The following UBAP1 variants were observed in gnomAD, a reference collection of about 807,000 sequenced individuals.
The protein encoded by UBAP1 is ubiquitin associated protein 1.
In UBAP1, 5 loss-of-function variants were observed where a neutral mutation model predicts 39.0. The ratio of observed to expected loss-of-function variants is 0.13; its 90% confidence interval spans 0.07 to 0.27. UBAP1 has a LOEUF of 0.27. Among genes scored for constraint, UBAP1 ranks in the 10% least tolerant of loss-of-function variants. The pLI is 1.00. For synonymous variants in UBAP1, 211 were observed against 225.1 expected (o/e 0.94, Z 0.56); for missense variants, 490 against 608.1 (o/e 0.81, Z 2.04).
chr9:34,251,087 G>C (rs1834489962), intron 6 of UBAP1, among the ~76,000 whole-genome samples: 1 of 152,200 alleles, frequency 6.6e-6, no homozygotes, highest in Non-Finnish European at 1.5e-5. Flanking sequence ...CCATTTCTGG[G>C]TTCAGTATCC....
chr9:34,196,862 C>T (rs1831090120), intron 1 of UBAP1, among the ~76,000 whole-genome samples: 1 of 148,690 alleles, frequency 6.7e-6, no homozygotes, highest in Non-Finnish European at 1.5e-5. Context: ...TCTTTGTTTT[C>T]ATTTTGTTCA....
Position 34,220,918 on chromosome 9 carries a change from G to T in UBAP1, c.4G>T (p.Ala2Ser), listed in dbSNP as rs1281965190. The T allele has an allele frequency of 6.2e-7, 1 of 1,613,470 alleles. No individual in the cohort carries two copies. The highest frequency in any genetic ancestry group is 1.7e-5 in the Admixed American group (1 of 59,996). The change falls in exon 2 of 7, where the codon GCT becomes TCT. Residue 2 changes from alanine (A) to serine (S), a missense_variant. Ala to Ser is a moderately conservative substitution (Grantham distance 99, BLOSUM62 1). This residue lies in a region of UBAP1 where 144 missense variants were observed against 184.4 expected (regional missense o/e 0.78). Transcript: ENST00000297661. M[A>S]SKKLGADFHG... ...TTCCTTGTTTTTCAGGTTCTAAATGGCTTCTAAGAAGTTGGGTGCAGATTT... is the reference window on the plus strand; with the variant it reads ...TTCCTTGTTTTTCAGGTTCTAAATGTCTTCTAAGAAGTTGGGTGCAGATTT...
chr9:34,192,913 T>C (rs1231385296), intron 1 of UBAP1, among the ~76,000 whole-genome samples: 3 of 152,120 alleles, frequency 2.0e-5, no homozygotes, highest in Non-Finnish European at 4.4e-5. Context: ...TATTTTTCTA[T>C]ATTGGACTCA....
rs560061161 is a variant in UBAP1 at position 34,193,200 on chromosome 9, C to T, written c.-8+13960C>T. Among the ~76,000 whole-genome samples the T allele has an allele frequency of 1.5e-4, 23 of 152,204 alleles. No individual in the cohort carries two copies. The East Asian group carries it at 4.3e-3, about 28-fold the overall frequency. ...TGGTATGCACCTAGAATCCCAGTTA[C>T]TCAGGGGGGCTGAGGCAGGAGGATC... On this transcript the variant is annotated intron_variant, in intron 1 of 6. Coordinates refer to ENST00000297661, the MANE Select transcript of UBAP1 (RefSeq NM_016525.5).
In UBAP1 at chr9:34,218,337, CA is replaced by C. The variant is rs1258968602; in HGVS notation, c.-7-2570del. ...AAATTTTGGTGGAACTTCTTTATAA[CA>C]TTCCTGGTGTCAGCATATTCTAGGT... is the stretch of plus-strand genomic sequence containing the variant. On this transcript the variant is annotated intron_variant, in intron 1 of 6. Transcript: ENST00000297661. 2.4e-5 allele frequency among the ~76,000 whole-genome samples: 3 copies of C among 127,220 alleles called. No homozygotes were observed. The East Asian group carries it at 6.7e-4, about 28-fold the overall frequency. The allele number at this position is 127,220 out of a possible 152,430, so 83.5% of individuals were successfully genotyped here. A position where few individuals can be genotyped will look rare whatever the true frequency, so the allele number is the denominator to read the frequency against.
chr9:34,181,102 A>T (rs1210652728), intron 1 of UBAP1, among the ~76,000 whole-genome samples: 4 of 88,682 alleles, frequency 4.5e-5, no homozygotes, highest in African/African-American at 1.2e-4. Context: ...GAGCCACCGC[A>T]CCCGGCCTGT....
intron 2 of UBAP1, among the ~76,000 whole-genome samples, chr9:34,233,226 T>TTTTTC (rs1554652073): frequency 2.3e-4 from 3 of 13,054 alleles, no homozygotes; most frequent in African/African-American, 3.7e-4. Flanking sequence ...CTTTCTCTTC[T>TTTTTC]TTTTTTTTTT....
intron 1 of UBAP1, among the ~76,000 whole-genome samples, chr9:34,203,118 A>C (rs1831493760): frequency 6.6e-6 from 1 of 152,136 alleles, no homozygotes; most frequent in African/African-American, 2.4e-5. Context: ...ATTCACTACT[A>C]TTTTAATTAG....
rs1233258500 is a variant in UBAP1 at position 34,249,879 on chromosome 9, G to T, written c.1184G>T (p.Cys395Phe). The change falls in exon 5 of 7, where the codon TGT becomes TTT. Residue 395 changes from cysteine to phenylalanine, a missense_variant. Around this residue, in one of 3 missense-constraint regions of UBAP1, gnomAD observed 339 missense variants for 390.0 expected, o/e 0.87. Transcript: ENST00000297661. ...ATGCTGTCCCCCAGCGAGCGGCAGT[G>T]TGTGGAGACGGTGGTCAACATGGGC... ...LQMLSPSERQ[C>F]VETVVNMGYS... 5.6e-6 allele frequency: 9 copies of T among 1,614,220 alleles called. No homozygotes were observed. Among genetic ancestry groups the T allele is most frequent in the East Asian group, 2.2e-5 (1 of 44,876 alleles).
At chr9:34,199,364 C>T (rs531885023) in intron 1 of UBAP1, among the ~76,000 whole-genome samples, 5 of 152,278 alleles carry the variant, frequency 3.3e-5, no homozygotes, top group South Asian at 2.1e-4. Flanking sequence ...TGAGCCACCG[C>T]GCCCAGCCTA....
At chr9:34,185,873 C>T (rs571008036) in intron 1 of UBAP1, among the ~76,000 whole-genome samples, 18 of 152,170 alleles carry the variant, frequency 1.2e-4, no homozygotes, top group African/African-American at 4.3e-4. Flanking sequence ...CAAACAAACA[C>T]ATTCAGTTCT....
chr9:34,207,729 G>A (rs548012178), intron 1 of UBAP1, among the ~76,000 whole-genome samples: 15 of 151,584 alleles, frequency 9.9e-5, no homozygotes, highest in Admixed American at 5.3e-4. Flanking sequence ...CTGGGCTTAA[G>A]CAGTTCTCTT....
At position 34,220,910 on chromosome 9, in the gene UBAP1, T is replaced by A. The variant is rs1036831210; in HGVS notation, c.-5T>A. On this transcript the variant is annotated splice_region_variant and 5_prime_UTR_variant, in exon 2 of 7. Coordinates refer to ENST00000297661, the MANE Select transcript of UBAP1 (RefSeq NM_016525.5). ...AGAAATATTTCCTTGTTTTTCAGGT[T>A]CTAAATGGCTTCTAAGAAGTTGGGT... 6.2e-7 allele frequency: 1 copy of A among 1,613,350 alleles called. No homozygotes were observed. Among genetic ancestry groups the A allele is most frequent in the African/African-American group, 1.3e-5 (1 of 74,932 alleles).
In UBAP1 at chr9:34,226,375, T is replaced by C. The variant is rs142353888; in HGVS notation, c.34+5427T>C. Among the ~76,000 whole-genome samples the C allele has an allele frequency of 3.1e-3, 475 of 152,094 alleles. 1 individual carries two copies. Among genetic ancestry groups the C allele is most frequent in the African/African-American group, 0.011 (454 of 41,478 alleles). On this transcript the variant is annotated intron_variant, in intron 2 of 6. Transcript: ENST00000297661. Reference sequence around the variant, plus strand: ...TCTCAGCCCCCTGAGTAGCTGGGATTATAGGTGCGCACCACCATGCCTGGC... The same window carrying C: ...TCTCAGCCCCCTGAGTAGCTGGGATCATAGGTGCGCACCACCATGCCTGGC...
At chr9:34,181,996 C>G (rs971174141) in intron 1 of UBAP1, among the ~76,000 whole-genome samples, 1 of 148,084 alleles carries the variant, frequency 6.8e-6, no homozygotes, top group Non-Finnish European at 1.5e-5. Context: ...GAAGGGGTCT[C>G]TTATGTTGCC....
intron 3 of UBAP1, among the ~76,000 whole-genome samples, chr9:34,236,032 G>A (rs1196861232): frequency 6.6e-6 from 1 of 151,706 alleles, no homozygotes; most frequent in Admixed American, 6.6e-5. Flanking sequence ...GGCTAATTTT[G>A]TATTTTTAGT....
At position 34,251,516 on chromosome 9, in the gene UBAP1, G is replaced by A. The variant is rs746938366; in HGVS notation, c.1493G>A (p.Arg498Gln). 4.3e-6 allele frequency: 7 copies of A among 1,613,586 alleles called. No homozygotes were observed. Among genetic ancestry groups the A allele is most frequent in the Non-Finnish European group, 5.1e-6 (6 of 1,179,960 alleles). Residue 498 changes from arginine (R) to glutamine (Q), a missense_variant, in exon 7 of 7, where the codon CGG becomes CAG. By Grantham distance (43) the Arg-to-Gln change is conservative (BLOSUM62 1). This residue lies in a region of UBAP1 where 339 missense variants were observed against 390.0 expected (regional missense o/e 0.87). Transcript: ENST00000297661. Reference protein sequence around the residue: ...QDNALEDLMARAGAS With the variant: ...QDNALEDLMAQAGAS ...AATGCTTTGGAAGACCTCATGGCTC[G>A]GGCAGGAGCCAGCTGAGACCAGGCC...
intron 3 of UBAP1, among the ~76,000 whole-genome samples, chr9:34,238,102 G>A (rs1019776507): frequency 7.3e-5 from 11 of 150,150 alleles, no homozygotes; most frequent in African/African-American, 4.8e-5. Context: ...CATATAAATG[G>A]AATTCTGCAG....
chr9:34,190,347 T>C (rs1830644180), intron 1 of UBAP1, among the ~76,000 whole-genome samples: 1 of 152,164 alleles, frequency 6.6e-6, no homozygotes, highest in South Asian at 2.1e-4. Context: ...TGGAGTGCAG[T>C]GGTGTGGTCT....
Sources: allele counts gnomAD v4.1 joint callset (sites outside exome capture counted in the v4.1 genomes callset), GRCh38; gene constraint gnomAD v4.1.1; regional missense constraint gnomAD v4.1.1; transcripts MANE v1.5; gene names NCBI Gene and HGNC (gene_info 2026-07-23, HGNC 2026-07-21).